GRIA2: variants seen among roughly 807,000 people sequenced by gnomAD.
GRIA2 encodes the protein glutamate receptor 2.
GRIA2 carries 14 observed loss-of-function variants against 97.3 expected under a neutral mutation model. That is an observed-to-expected ratio of 0.14 (90% CI 0.10 to 0.23). The LOEUF is 0.23. Among genes scored for constraint, GRIA2 ranks in the 10% least tolerant of loss-of-function variants. The probability of loss-of-function intolerance (pLI) is 1.00; values close to 1 mark genes in which losing one functional copy is unlikely to be tolerated. For synonymous variants in GRIA2, 412 were observed against 387.8 expected, an observed-to-expected ratio of 1.06 and a Z score of -0.73; for missense variants, 558 against 1,069.8, an observed-to-expected ratio of 0.52 and a Z score of 6.67.
At chr4:157,222,221 G>A (rs1348175319) in intron 2 of GRIA2, among the ~76,000 whole-genome samples, 3 of 152,084 alleles carry the variant, frequency 2.0e-5, no homozygotes, top group Non-Finnish European at 4.4e-5. Context: ...TCGGGCTGTT[G>A]GACAAATCCC....
At chr4:157,355,664 T>A (rs13151014) in intron 12 of GRIA2, among the ~76,000 whole-genome samples, 1 of 87,518 alleles carries the variant, frequency 1.1e-5, no homozygotes, top group Admixed American at 1.4e-4. Flanking sequence ...TTATTTATAT[T>A]TATTTTTATA....
chr4:157,335,645 A>G (rs553334875), intron 9 of GRIA2, 26 bp from the exon 10 acceptor site: 1 of 1,358,590 alleles, frequency 7.4e-7, no homozygotes, highest in South Asian at 1.2e-5. Context: ...TATTTTAATC[A>G]GCTAAAGCAA....
intron 2 of GRIA2, among the ~76,000 whole-genome samples, chr4:157,248,104 T>G (rs867537768): frequency 1.3e-5 from 2 of 151,266 alleles, no homozygotes; most frequent in African/African-American, 2.4e-5. Context: ...ATTTTATATA[T>G]ATATCAAAAT....
chr4:157,304,749 C>T (rs944722839), intron 3 of GRIA2, among the ~76,000 whole-genome samples: 13 of 152,096 alleles, frequency 8.5e-5, no homozygotes, highest in African/African-American at 2.7e-4. Context: ...AAGCCTATTT[C>T]GACCAAGATA....
In GRIA2 at chr4:157,351,280, G is replaced by A. The variant is rs11937553; in HGVS notation, c.2044-8616G>A. The stretch of plus-strand genomic sequence containing the variant: ...TTTTGATCGTAATCAAGATGTTCAT[G>A]ATAGATCTTGAATGTGCCAATTGAA... On this transcript the variant is annotated intron_variant, in intron 12 of 15. Coordinates refer to ENST00000264426, the MANE Select transcript of GRIA2 (RefSeq NM_001083619.3). 4.8e-3 allele frequency among the ~76,000 whole-genome samples: 735 copies of A among 152,140 alleles called. 5 individuals are homozygous for A. The highest frequency in any genetic ancestry group is 0.017 in the African/African-American group (700 of 41,512).
rs757899099 is a variant in GRIA2, at chr4:157,303,676, A to C, written c.354A>C (p.Thr118=). 4.2e-5 allele frequency: 68 copies of C among 1,614,016 alleles called. No homozygotes were observed. The highest frequency in any genetic ancestry group is 5.1e-5 in the Non-Finnish European group (60 of 1,180,004). Residue 118 remains threonine, a synonymous_variant, in exon 3 of 16, where the codon ACA becomes ACC. Coordinates refer to ENST00000264426, the MANE Select transcript of GRIA2 (RefSeq NM_001083619.3). ...HVSFITPSFP[T]DGTHPFVIQM... ...CCTTCATCACTCCCAGCTTCCCAACAGATGGCACACATCCATTTGTCATTC... is the reference window on the plus strand; with the variant it reads ...CCTTCATCACTCCCAGCTTCCCAACCGATGGCACACATCCATTTGTCATTC...
At chr4:157,262,015 T>C (rs1731557889) in intron 2 of GRIA2, among the ~76,000 whole-genome samples, 1 of 152,086 alleles carries the variant, frequency 6.6e-6, no homozygotes. Flanking sequence ...GCTACCCTCT[T>C]GCTGGGAAAT....
rs189945490 is a variant in GRIA2, at chr4:157,353,445, C to T, written c.2044-6451C>T. Among the ~76,000 whole-genome samples, 137 of 151,818 alleles carry T rather than the reference C, an allele frequency of 9.0e-4. No individual in the cohort carries two copies. In the East Asian group the frequency reaches 0.024, roughly 26 times the overall value. On this transcript the variant is annotated intron_variant, in intron 12 of 15. Transcript: ENST00000264426. The stretch of plus-strand genomic sequence containing the variant: ...CAGCACTTTGGGAGGCCAAGGTGGG[C>T]GGACAACGAGGTCAGGAGATTGAGA...
chr4:157,333,369 T>C lies in GRIA2; in HGVS notation c.1155+16T>C. The C allele has an allele frequency of 7.2e-7, 1 of 1,388,934 alleles. No homozygotes were observed. The highest frequency in any genetic ancestry group is 1.0e-6 in the Non-Finnish European group (1 of 994,362). 86.0% of individuals were successfully genotyped at this position (1,388,934 alleles called of 1,614,324 possible). The stretch of plus-strand genomic sequence containing the variant: ...GCCCCGGAAGGTAAATCCTTAGTGA[T>C]TTAAAGGCAGTTCTATGTGAGGAGG... On this transcript the variant is annotated intron_variant, in intron 8 of 15. Transcript: ENST00000264426.
chr4:157,321,766 G>A (rs1734581531), intron 6 of GRIA2, among the ~76,000 whole-genome samples, 167 bp downstream of exon 6: 1 of 152,118 alleles, frequency 6.6e-6, no homozygotes, highest in African/African-American at 2.4e-5. Context: ...TATGGTTTAA[G>A]TAAAGCTATT....
chr4:157,303,790 A>C lies in GRIA2; in HGVS notation c.468A>C (p.Arg156Ser). Residue 156 changes from arginine to serine, a missense_variant and splice_region_variant, in exon 3 of 16, where the codon AGA (arginine) becomes AGC (serine). Physicochemically the swap from Arg to Ser is moderately radical, Grantham distance 110. Coordinates refer to ENST00000264426, the MANE Select transcript of GRIA2 (RefSeq NM_001083619.3). ...DKFAYLYDSD[R>S]GLSTLQAVLD... ...TTGCATACCTCTATGACAGTGACAG[A>C]GGTAAGTGACAGTATCTCATCTCTT... The C allele has an allele frequency of 6.2e-7, 1 of 1,613,674 alleles. No individual in the cohort carries two copies. The highest frequency in any genetic ancestry group is 8.5e-7 in the Non-Finnish European group (1 of 1,179,568).
chr4:157,292,552 C>T lies in GRIA2; in HGVS notation c.230-11000C>T, dbSNP rs146405671. On this transcript the variant is annotated intron_variant, in intron 2 of 15. Transcript: ENST00000264426. ...TTGGTTACAAATGTCATCATAAACA[C>T]GGAAAAAGGTAAGAGAAAAAGGAAG... 5.6e-3 allele frequency among the ~76,000 whole-genome samples: 843 copies of T among 151,262 alleles called. 6 individuals carry two copies. Among genetic ancestry groups the T allele is most frequent in the African/African-American group, 0.019 (772 of 41,232 alleles).
At chr4:157,230,274 A>G (rs1006968922) in intron 2 of GRIA2, among the ~76,000 whole-genome samples, 2 of 152,150 alleles carry the variant, frequency 1.3e-5, no homozygotes, top group African/African-American at 4.8e-5. Flanking sequence ...TTTTTTATAT[A>G]TATTATTTAT....
intron 2 of GRIA2, among the ~76,000 whole-genome samples, chr4:157,232,445 T>C (rs947235713): frequency 2.0e-5 from 3 of 152,256 alleles, no homozygotes; most frequent in Non-Finnish European, 4.4e-5. Flanking sequence ...AGAATTTCTA[T>C]CTTGCTTTTA....
rs923143816 is a variant in GRIA2, at chr4:157,364,836, T to C, written c.*1405T>C. On this transcript the variant is annotated 3_prime_UTR_variant, in exon 16 of 16. Coordinates refer to ENST00000264426, the MANE Select transcript of GRIA2 (RefSeq NM_001083619.3). ...TAACCCTAATATATTATTTTTATATTTATTCCTCAGGTGGAATGGCTATTT... is the reference window on the plus strand; with the variant it reads ...TAACCCTAATATATTATTTTTATATCTATTCCTCAGGTGGAATGGCTATTT... 1 of 151,984 alleles carries C rather than the reference T, an allele frequency of 6.6e-6. No homozygotes were observed. The highest frequency in any genetic ancestry group is 1.5e-5 in the Non-Finnish European group (1 of 67,760). 9.4% of individuals were successfully genotyped at this position (151,984 alleles called of 1,614,324 possible). A position where few individuals can be genotyped will look rare whatever the true frequency, so the allele number is the denominator to read the frequency against.
chr4:157,249,085 T>C (rs1265618108), intron 2 of GRIA2, among the ~76,000 whole-genome samples: 1 of 152,056 alleles, frequency 6.6e-6, no homozygotes, highest in Non-Finnish European at 1.5e-5. Context: ...TCCTCCTGCC[T>C]CAGCCTCCCA....
At chr4:157,324,076 G>A (rs906568329) in intron 6 of GRIA2, among the ~76,000 whole-genome samples, 4 of 152,172 alleles carry the variant, frequency 2.6e-5, no homozygotes, top group African/African-American at 9.7e-5. Context: ...AATAACACTT[G>A]CAAAGGGTTA....
At chr4:157,277,818 A>ATATATATGTATATATGTATATATATATG (rs1553951538) in intron 2 of GRIA2, among the ~76,000 whole-genome samples, 2 of 144,042 alleles carry the variant, frequency 1.4e-5, no homozygotes, top group Admixed American at 7.1e-5. Context: ...TGTATGCTAT[A>ATATATATGTATATATGTATATATATATG]TATATATGTA....
intron 2 of GRIA2, among the ~76,000 whole-genome samples, chr4:157,261,599 T>A (rs943772272): frequency 6.6e-6 from 1 of 152,112 alleles, no homozygotes; most frequent in Admixed American, 6.6e-5. Flanking sequence ...ATGACAAACT[T>A]GTCACATAAG....
Sources: allele counts gnomAD v4.1 joint callset (sites outside exome capture counted in the v4.1 genomes callset), GRCh38; gene constraint gnomAD v4.1.1; transcripts MANE v1.5; gene names NCBI Gene and HGNC (gene_info 2026-07-23, HGNC 2026-07-21).